JAZF1: variants seen among roughly 807,000 people sequenced by gnomAD.
The protein encoded by JAZF1 is juxtaposed with another zinc finger protein 1.
In JAZF1, 8 loss-of-function variants were observed where a neutral mutation model predicts 26.4. The ratio of observed to expected loss-of-function variants is 0.30; its 90% CI spans 0.18 to 0.55. JAZF1 has a LOEUF of 0.55. Among genes scored for constraint, JAZF1 ranks in the 20% least tolerant of loss-of-function variants. The pLI is 0.94. For synonymous variants in JAZF1, 126 were observed against 122.3 expected, an observed-to-expected ratio of 1.03 and a Z score of -0.20; for missense variants, 199 against 322.0, an observed-to-expected ratio of 0.62 and a Z score of 2.92.
intron 1 of JAZF1, among the ~76,000 whole-genome samples, chr7:28,043,760 C>A (rs1358613314): frequency 1.3e-5 from 2 of 151,012 alleles, no homozygotes; most frequent in African/African-American, 4.9e-5. Flanking sequence ...AATGGGTAAA[C>A]AAAATGTAGT....
chr7:27,914,921 G>A (rs986404955), intron 2 of JAZF1: 73 of 439,698 alleles, frequency 1.7e-4, no homozygotes, highest in Non-Finnish European at 2.4e-4. Context: ...TAACCAGAGC[G>A]CCATTTACTT....
chr7:28,015,033 ATGTGTGTGTGTG>A (rs397804972), intron 1 of JAZF1, among the ~76,000 whole-genome samples: 9 of 140,780 alleles, frequency 6.4e-5, no homozygotes, highest in Non-Finnish European at 1.2e-4. Context: ...GAAAGTGTGT[ATGTGTGTGTGTG>A]TGTGTGTGTG....
At chr7:28,164,832 C>T (rs1783341685) in intron 1 of JAZF1, among the ~76,000 whole-genome samples, 1 of 152,164 alleles carries the variant, frequency 6.6e-6, no homozygotes, top group South Asian at 2.1e-4. Flanking sequence ...TAAAAGAAAT[C>T]TATGGGCTCT....
chr7:28,094,959 T>G (rs1305860897), intron 1 of JAZF1, among the ~76,000 whole-genome samples: 5 of 151,842 alleles, frequency 3.3e-5, no homozygotes, highest in Non-Finnish European at 5.9e-5. Context: ...AGAAAGAAGC[T>G]CCATCCAGAA....
intron 1 of JAZF1, among the ~76,000 whole-genome samples, chr7:28,006,686 G>C (rs1412698400): frequency 6.6e-6 from 1 of 152,162 alleles, no homozygotes; most frequent in Non-Finnish European, 1.5e-5. Context: ...CAAATCACAG[G>C]ACCAGGAGAT....
chr7:27,989,975 A>T (rs530831370), intron 2 of JAZF1, among the ~76,000 whole-genome samples: 1 of 152,248 alleles, frequency 6.6e-6, no homozygotes, highest in African/African-American at 2.4e-5. Flanking sequence ...CTATAAAGAC[A>T]CATGCACATG....
intron 2 of JAZF1, among the ~76,000 whole-genome samples, chr7:27,896,741 T>C (rs900429891): frequency 5.3e-5 from 8 of 152,228 alleles, no homozygotes; most frequent in Non-Finnish European, 1.0e-4. Context: ...TGTTACGCTG[T>C]CTTAAAATTT....
chr7:27,975,461 A>G (rs1785454506), intron 2 of JAZF1, among the ~76,000 whole-genome samples: 1 of 152,170 alleles, frequency 6.6e-6, no homozygotes, highest in African/African-American at 2.4e-5. Flanking sequence ...ATCACATGTC[A>G]AGGAAGGACG....
At chr7:27,913,007 G>A (rs1009914444) in intron 2 of JAZF1, among the ~76,000 whole-genome samples, 1 of 151,868 alleles carries the variant, frequency 6.6e-6, no homozygotes, top group East Asian at 1.9e-4. Flanking sequence ...TCGCTCCCTC[G>A]GAGAACATGA....
In JAZF1 at chr7:28,003,752, T is replaced by G. The variant is rs17156137; in HGVS notation, c.116-11771A>C. Among the ~76,000 whole-genome samples, 4,726 of 152,202 alleles carry G rather than the reference T, an allele frequency of 0.031. 310 individuals are homozygous for G. The East Asian group carries it at 0.31, about 10-fold the overall frequency. On this transcript the variant is annotated intron_variant, in intron 1 of 4. Transcript: ENST00000283928. ...GCAGCTCTGACATCATGCATCACATTTACCTGAAACCTACATGCACCGTGA... is the reference window on the plus strand; with the variant it reads ...GCAGCTCTGACATCATGCATCACATGTACCTGAAACCTACATGCACCGTGA...
intron 4 of JAZF1, among the ~76,000 whole-genome samples, chr7:27,838,705 G>A (rs1782865597): frequency 1.3e-5 from 2 of 152,218 alleles, no homozygotes; most frequent in Admixed American, 6.5e-5. Context: ...CAGCAACTTC[G>A]GGGCAGAAAG....
chr7:28,104,100 C>A (rs1447397320), intron 1 of JAZF1, among the ~76,000 whole-genome samples: 1 of 152,188 alleles, frequency 6.6e-6, no homozygotes, highest in Non-Finnish European at 1.5e-5. Context: ...GCTGTTCCCT[C>A]TACTTGGAAT....
chr7:28,023,397 G>A (rs916613519), intron 1 of JAZF1, among the ~76,000 whole-genome samples: 2 of 152,148 alleles, frequency 1.3e-5, no homozygotes, highest in Non-Finnish European at 2.9e-5. Context: ...AATTCGAAAC[G>A]ATTTTCCAAT....
At chr7:27,975,699 T>C (rs1282593290) in intron 2 of JAZF1, among the ~76,000 whole-genome samples, 1 of 152,208 alleles carries the variant, frequency 6.6e-6, no homozygotes, top group Non-Finnish European at 1.5e-5. Context: ...TCTACTGACC[T>C]GTGATAAGTT....
chr7:27,970,249 A>T (rs1429238710), intron 2 of JAZF1, among the ~76,000 whole-genome samples: 1 of 152,244 alleles, frequency 6.6e-6, no homozygotes, highest in Non-Finnish European at 1.5e-5. Flanking sequence ...AGGTATTAGT[A>T]TGGAGAGGTT....
chr7:28,140,809 G>C (rs1782949940), intron 1 of JAZF1, among the ~76,000 whole-genome samples: 1 of 152,118 alleles, frequency 6.6e-6, no homozygotes, highest in Non-Finnish European at 1.5e-5. Flanking sequence ...TAAAATACTA[G>C]GAAAGATCTT....
chr7:28,139,487 A>G (rs892368284), intron 1 of JAZF1, among the ~76,000 whole-genome samples: 12 of 152,266 alleles, frequency 7.9e-5, no homozygotes, highest in African/African-American at 2.9e-4. Flanking sequence ...ACACACAGAC[A>G]GACATGCATA....
intron 2 of JAZF1, among the ~76,000 whole-genome samples, chr7:27,984,047 A>G (rs1013544646): frequency 1.3e-5 from 2 of 151,506 alleles, no homozygotes; most frequent in Non-Finnish European, 3.0e-5. Flanking sequence ...ATCAACTAAC[A>G]AGCAAAATAA....
At chr7:27,996,016 T>A (rs1786008340) in intron 1 of JAZF1, among the ~76,000 whole-genome samples, 1 of 152,158 alleles carries the variant, frequency 6.6e-6, no homozygotes, top group East Asian at 1.9e-4. Flanking sequence ...CCCACGTTGA[T>A]CCTCTTTGTT....
Sources: allele counts gnomAD v4.1 joint callset (sites outside exome capture counted in the v4.1 genomes callset), GRCh38; gene constraint gnomAD v4.1.1; transcripts MANE v1.5; gene names NCBI Gene and HGNC (gene_info 2026-07-23, HGNC 2026-07-21).